The following ELMO1 variants were observed in gnomAD, a reference collection of about 807,000 sequenced individuals.
ELMO1 encodes the protein engulfment and cell motility protein 1.
In ELMO1, 26 loss-of-function variants were observed where a neutral mutation model predicts 98.9. The observed-to-expected ratio is 0.26, with a 90% CI of 0.19 to 0.36. The LOEUF (loss-of-function observed/expected upper bound fraction) is 0.36. Among genes scored for constraint, ELMO1 ranks in the 10% least tolerant of loss-of-function variants. The probability of loss-of-function intolerance (pLI) is 1.00; values close to 1 mark genes in which losing one functional copy is unlikely to be tolerated. For synonymous variants in ELMO1, 346 were observed against 346.0 expected (o/e 1.00, Z 0.00); for missense variants, 627 against 935.2 (o/e 0.67, Z 4.30).
chr7:37,393,917 C>G (rs928229942), intron 1 of ELMO1: 2 of 152,138 alleles, frequency 1.3e-5, no homozygotes, highest in African/African-American at 4.8e-5. Flanking sequence ...TGCTCTGCCC[C>G]CTAGATGGGA....
At chr7:37,065,474 T>C (rs556431235) in intron 15 of ELMO1, among the ~76,000 whole-genome samples, 1 of 152,268 alleles carries the variant, frequency 6.6e-6, no homozygotes, top group South Asian at 2.1e-4. Context: ...CATTCACTGG[T>C]ACCTCCATGT....
chr7:37,272,997 A>G (rs1207235531), intron 4 of ELMO1, among the ~76,000 whole-genome samples: 1 of 152,198 alleles, frequency 6.6e-6, no homozygotes, highest in Non-Finnish European at 1.5e-5. Flanking sequence ...CAAATTGGAC[A>G]CCTTTAAAAG....
intron 16 of ELMO1, among the ~76,000 whole-genome samples, chr7:36,905,871 C>T (rs1783921507): frequency 6.6e-6 from 1 of 152,208 alleles, no homozygotes; most frequent in Non-Finnish European, 1.5e-5. Flanking sequence ...AGATTAGTTA[C>T]TACAAAGAAA....
intron 15 of ELMO1, among the ~76,000 whole-genome samples, chr7:37,088,573 A>G (rs1783905494): frequency 6.6e-6 from 1 of 152,224 alleles, no homozygotes; most frequent in Non-Finnish European, 1.5e-5. Flanking sequence ...ATGATGACTG[A>G]TGATGATATC....
At chr7:36,889,857 C>T (rs570421407) in intron 17 of ELMO1, among the ~76,000 whole-genome samples, 1 of 152,240 alleles carries the variant, frequency 6.6e-6, no homozygotes, top group African/African-American at 2.4e-5. Context: ...CAAAACATGA[C>T]CAGGCAATGA....
intron 16 of ELMO1, among the ~76,000 whole-genome samples, chr7:36,974,085 C>T (rs997776034): frequency 3.9e-5 from 6 of 152,386 alleles, no homozygotes; most frequent in South Asian, 2.1e-4. Context: ...TGTTCCACTG[C>T]GCCCAGTCCC....
Position 37,216,715 on chromosome 7 carries a change from C to T in ELMO1, c.781-20G>A, listed in dbSNP as rs771097038. 1.6e-5 allele frequency: 26 copies of T among 1,613,866 alleles called. No homozygotes were observed. Among genetic ancestry groups the T allele is most frequent in the Non-Finnish European group, 2.2e-5 (26 of 1,179,954 alleles). ...CATCTCCTGTGGAAGAAAAACACAC[C>T]CACACAAAGGCTTAGGTTAGAAAGC... On this transcript the variant is annotated intron_variant, in intron 10 of 21. Transcript: ENST00000310758.
intron 5 of ELMO1, among the ~76,000 whole-genome samples, chr7:37,263,857 A>G (rs773693422): frequency 3.0e-4 from 46 of 152,170 alleles, no homozygotes; most frequent in Admixed American, 1.2e-3. Context: ...GAGCATGCAG[A>G]GCTGAAGGAG....
At chr7:36,990,535 G>A (rs1002213145) in intron 16 of ELMO1, among the ~76,000 whole-genome samples, 18 of 152,040 alleles carry the variant, frequency 1.2e-4, no homozygotes, top group Admixed American at 1.3e-4. Flanking sequence ...TCACTGCTGG[G>A]CATCTGAATA....
At chr7:37,445,276 G>C (rs1171416319) in intron 1 of ELMO1, among the ~76,000 whole-genome samples, 1 of 152,224 alleles carries the variant, frequency 6.6e-6, no homozygotes, top group Non-Finnish European at 1.5e-5. Flanking sequence ...TTGTGATGCA[G>C]AGAGGGTTTC....
At chr7:37,143,574 T>C (rs939801106) in intron 13 of ELMO1, among the ~76,000 whole-genome samples, 4 of 151,010 alleles carry the variant, frequency 2.6e-5, no homozygotes, top group African/African-American at 4.9e-5. Flanking sequence ...GCCTGTCTAA[T>C]TTTTGTATTT....
At chr7:36,956,124 G>C (rs1193782012) in intron 16 of ELMO1, among the ~76,000 whole-genome samples, 4 of 152,128 alleles carry the variant, frequency 2.6e-5, no homozygotes, top group Non-Finnish European at 5.9e-5. Flanking sequence ...GCCTTTTCTT[G>C]TCTAGGGTGT....
At chr7:37,284,344 G>C (rs1331951423) in intron 4 of ELMO1, among the ~76,000 whole-genome samples, 1 of 152,202 alleles carries the variant, frequency 6.6e-6, no homozygotes, top group Non-Finnish European at 1.5e-5. Context: ...CTGATGTGAT[G>C]AAGGGGATGT....
At chr7:37,407,662 A>G (rs1302196286) in intron 1 of ELMO1, among the ~76,000 whole-genome samples, 1 of 152,230 alleles carries the variant, frequency 6.6e-6, no homozygotes, top group Non-Finnish European at 1.5e-5. Flanking sequence ...TGCCAGCAAT[A>G]TGCAGTGAGA....
intron 15 of ELMO1, among the ~76,000 whole-genome samples, chr7:37,019,069 T>C (rs773927428): frequency 6.6e-6 from 1 of 152,212 alleles, no homozygotes; most frequent in Non-Finnish European, 1.5e-5. Flanking sequence ...TGTAGGGTAA[T>C]ATTCTAAGAG....
At chr7:37,390,466 T>A (rs78949897) in intron 1 of ELMO1, among the ~76,000 whole-genome samples, 2 of 151,996 alleles carry the variant, frequency 1.3e-5, no homozygotes, top group Non-Finnish European at 2.9e-5. Flanking sequence ...CTTTTTTTTT[T>A]CTTCTGACTC....
chr7:37,342,679 G>A lies in ELMO1; in HGVS notation c.12C>T (p.Pro4=), dbSNP rs756975404. 15 of 1,610,452 alleles carry A rather than the reference G, an allele frequency of 9.3e-6. No individual in the cohort carries two copies. Among genetic ancestry groups the A allele is most frequent in the East Asian group, 2.2e-5 (1 of 44,840 alleles). Residue 4 remains proline, a synonymous_variant, in exon 2 of 22, where the codon CCC becomes CCT. Transcript: ENST00000310758. This position sits in a 1 kb window ranked among gnomAD's most constrained non-coding sequence, Gnocchi z 4.3. The stretch of plus-strand genomic sequence containing the variant: ...CTATGGCCACCTTGACGATGTCCGC[G>A]GGTGGCGGCATTGTAAGTCCCCAAA... MPP[P]ADIVKVAIEW...
chr7:37,094,677 G>A (rs958846728), intron 15 of ELMO1, among the ~76,000 whole-genome samples: 1 of 152,114 alleles, frequency 6.6e-6, no homozygotes, highest in South Asian at 2.1e-4. Flanking sequence ...TTCCCCCCAG[G>A]TTGAATAAGA....
At chr7:37,320,369 T>A (rs1300053753) in intron 2 of ELMO1, among the ~76,000 whole-genome samples, 1 of 152,068 alleles carries the variant, frequency 6.6e-6, no homozygotes, top group Admixed American at 6.5e-5. Flanking sequence ...TCTGTACACG[T>A]TCCCCATGCT....
Sources: gnomAD v4.1 joint callset for allele counts (sites outside exome capture counted in the v4.1 genomes callset) on GRCh38, gnomAD v4.1.1 for gene constraint, Gnocchi (gnomAD v3.1) non-coding constraint, MANE v1.5 for transcripts, NCBI Gene and HGNC (gene_info 2026-07-23, HGNC 2026-07-21) for gene names.